Variants in FHIT observed in about 807,000 individuals in gnomAD.
FHIT encodes the protein bis(5'-adenosyl)-triphosphatase.
In FHIT, 19 loss-of-function variants were observed where a neutral mutation model predicts 17.9. That is an observed-to-expected ratio of 1.06 (90% CI 0.74 to 1.56). The LOEUF (loss-of-function observed/expected upper bound fraction) is 1.56. Ranked by LOEUF, FHIT falls within the 40% of genes most tolerant of loss-of-function variation. The pLI is 0.00. For synonymous variants in FHIT, 81 were observed against 69.7 expected (o/e 1.16, Z -0.81); for missense variants, 248 against 189.2 (o/e 1.31, Z -1.82).
At chr3:59,856,403 T>C (rs1702158471) in intron 8 of FHIT, among the ~76,000 whole-genome samples, 1 of 152,198 alleles carries the variant, frequency 6.6e-6, no homozygotes, top group Non-Finnish European at 1.5e-5. Flanking sequence ...TCATTCCAAT[T>C]TTATGCAAAC....
intron 2 of FHIT, among the ~76,000 whole-genome samples, chr3:61,100,206 T>C (rs909872479): frequency 3.9e-5 from 6 of 152,216 alleles, no homozygotes; most frequent in East Asian, 1.9e-4. Context: ...GCTATCCCTC[T>C]CCCAGCCCCA....
At chr3:61,206,712 T>C (rs2039246566) in intron 1 of FHIT, among the ~76,000 whole-genome samples, 1 of 151,778 alleles carries the variant, frequency 6.6e-6, no homozygotes, top group Non-Finnish European at 1.5e-5. Flanking sequence ...CTTAAGGAGA[T>C]TTTGGGCTGA....
intron 7 of FHIT, among the ~76,000 whole-genome samples, chr3:59,982,414 G>C (rs1708694802): frequency 1.3e-5 from 2 of 152,244 alleles, no homozygotes; most frequent in Admixed American, 1.3e-4. Context: ...AGTATCCAGA[G>C]GAAATGGGAT....
intron 5 of FHIT, among the ~76,000 whole-genome samples, chr3:60,028,617 T>A (rs1462417109): frequency 6.6e-6 from 1 of 152,064 alleles, no homozygotes; most frequent in Non-Finnish European, 1.5e-5. Flanking sequence ...GAAACACAAG[T>A]GACCAAAAAC....
intron 8 of FHIT, among the ~76,000 whole-genome samples, chr3:59,771,410 C>T (rs17061182): frequency 6.6e-6 from 1 of 152,168 alleles, no homozygotes; most frequent in African/African-American, 2.4e-5. Context: ...CCAAGAATAT[C>T]TCCTGGAATA....
At chr3:61,189,141 C>T (rs946760908) in intron 2 of FHIT, among the ~76,000 whole-genome samples, 4 of 152,152 alleles carry the variant, frequency 2.6e-5, no homozygotes, top group African/African-American at 9.7e-5. Flanking sequence ...GGAAGTCAAA[C>T]TGTCCCTGTT....
At chr3:60,100,974 G>C (rs1209690750) in intron 5 of FHIT, among the ~76,000 whole-genome samples, 1 of 152,128 alleles carries the variant, frequency 6.6e-6, no homozygotes, top group South Asian at 2.1e-4. Context: ...ACATGTAACA[G>C]CTCTAATTCT....
At chr3:60,358,806 G>C (rs1010702284) in intron 5 of FHIT, among the ~76,000 whole-genome samples, 1 of 152,130 alleles carries the variant, frequency 6.6e-6, no homozygotes, top group Non-Finnish European at 1.5e-5. Flanking sequence ...ACTAGTTGTA[G>C]GTCTTTGGGG....
chr3:61,034,168 G>A (rs1159645976), intron 3 of FHIT, among the ~76,000 whole-genome samples: 1 of 152,086 alleles, frequency 6.6e-6, no homozygotes, highest in Non-Finnish European at 1.5e-5. Context: ...ACTCTTTGAA[G>A]AAAGCATAGG....
chr3:60,527,830 C>T (rs2611404), intron 5 of FHIT, among the ~76,000 whole-genome samples: 132,081 of 152,200 alleles, frequency 0.87, 57,450 homozygotes, highest in East Asian at 1. Flanking sequence ...GTTTGCAGCA[C>T]ATGTGAAATG....
chr3:60,533,670 G>T (rs192646973), intron 5 of FHIT, among the ~76,000 whole-genome samples: 1 of 151,990 alleles, frequency 6.6e-6, no homozygotes, highest in Admixed American at 6.5e-5. Context: ...AGCATGGGGA[G>T]GAATCTCCAG....
chr3:60,213,037 G>C (rs1559732548), intron 5 of FHIT, among the ~76,000 whole-genome samples: 1 of 152,118 alleles, frequency 6.6e-6, no homozygotes, highest in Admixed American at 6.5e-5. Flanking sequence ...CCCTCTCAAA[G>C]TACCTAGTAC....
At chr3:59,768,037 CAG>C (rs1701887749) in intron 8 of FHIT, among the ~76,000 whole-genome samples, 1 of 152,174 alleles carries the variant, frequency 6.6e-6, no homozygotes, top group South Asian at 2.1e-4. Flanking sequence ...CAGGGAGATT[CAG>C]TGAATTGCTT....
chr3:61,242,108 TTAAATA>T (rs1223790031), intron 1 of FHIT, among the ~76,000 whole-genome samples: 1 of 152,142 alleles, frequency 6.6e-6, no homozygotes. Flanking sequence ...ATATAAGGGT[TTAAATA>T]TAAATATAAA....
At chr3:60,990,551 G>A (rs1157545742) in intron 3 of FHIT, among the ~76,000 whole-genome samples, 1 of 152,164 alleles carries the variant, frequency 6.6e-6, no homozygotes, top group African/African-American at 2.4e-5. Context: ...ATGCTCCAGG[G>A]CTGGACAGGA....
At chr3:60,529,626 T>C (rs1029800941) in intron 5 of FHIT, among the ~76,000 whole-genome samples, 1 of 152,194 alleles carries the variant, frequency 6.6e-6, no homozygotes, top group African/African-American at 2.4e-5. Flanking sequence ...TTCCTTAAAA[T>C]CTGATGACTT....
intron 2 of FHIT, among the ~76,000 whole-genome samples, chr3:61,077,750 T>A (rs1451621053): frequency 6.6e-6 from 1 of 152,134 alleles, no homozygotes; most frequent in Non-Finnish European, 1.5e-5. Context: ...ACCCATCTCA[T>A]AGTGTGTTTT....
intron 8 of FHIT, among the ~76,000 whole-genome samples, chr3:59,920,019 AT>A (rs1705325716): frequency 6.6e-6 from 1 of 152,226 alleles, no homozygotes; most frequent in Non-Finnish European, 1.5e-5. Flanking sequence ...CAAAGAGAAA[AT>A]TGGGAATCTC....
chr3:60,598,607 G>A (rs947449270), intron 4 of FHIT, among the ~76,000 whole-genome samples: 3 of 152,118 alleles, frequency 2.0e-5, no homozygotes, highest in Admixed American at 1.3e-4. Context: ...ATATCACACT[G>A]CTAGCAAGTA....
Sources: gnomAD v4.1 joint callset for allele counts (sites outside exome capture counted in the v4.1 genomes callset) on GRCh38, gnomAD v4.1.1 for gene constraint, MANE v1.5 for transcripts, NCBI Gene and HGNC (gene_info 2026-07-23, HGNC 2026-07-21) for gene names.